Variants in CTNNA3 observed in about 807,000 individuals in gnomAD.
CTNNA3 encodes catenin alpha-3.
CTNNA3 carries 76 observed loss-of-function variants against 95.7 expected under a neutral mutation model. That is an observed-to-expected ratio of 0.79 (90% CI 0.66 to 0.96). The LOEUF is 0.96. Ranked by LOEUF, CTNNA3 falls within the 40% of genes least tolerant of loss-of-function variation. The pLI is 0.00. For synonymous variants in CTNNA3, 431 were observed against 374.4 expected (o/e 1.15, Z -1.74); for missense variants, 1,191 against 1,089.8 (o/e 1.09, Z -1.31).
rs184931087 is a variant in CTNNA3, at chr10:66,881,725, C to G, written c.1048-106201G>C. 2.9e-3 allele frequency among the ~76,000 whole-genome samples: 440 copies of G among 152,160 alleles called. 2 individuals carry two copies. Among genetic ancestry groups the G allele is most frequent in the African/African-American group, 0.01 (420 of 41,530 alleles). ...TCAAAAGAGAAGATGCTCACAAAGC[C>G]TCCAGCAGGATTAAAAGAGCAATCT... On this transcript the variant is annotated intron_variant, in intron 7 of 17. Transcript: ENST00000433211.
chr10:67,082,531 G>A (rs1431712329), intron 7 of CTNNA3, among the ~76,000 whole-genome samples: 1 of 152,144 alleles, frequency 6.6e-6, no homozygotes, highest in Admixed American at 6.5e-5. Context: ...ATAGTAAGAA[G>A]TTGAGAATCA....
chr10:67,097,506 T>C (rs1858076227), intron 7 of CTNNA3: 1 of 1,264,654 alleles, frequency 7.9e-7, no homozygotes, highest in East Asian at 2.3e-5. Context: ...GTTAGTCAGG[T>C]CAGCACTTCA....
intron 15 of CTNNA3, among the ~76,000 whole-genome samples, chr10:66,050,424 A>AT (rs200349556): frequency 0.023 from 3,342 of 145,926 alleles, 61 homozygotes; most frequent in African/African-American, 0.043. Flanking sequence ...ATCCTCATGC[A>AT]TTTTTTTTTT....
At chr10:67,653,593 T>C (rs181279922) in intron 1 of CTNNA3, among the ~76,000 whole-genome samples, 1 of 152,292 alleles carries the variant, frequency 6.6e-6, no homozygotes, top group Admixed American at 6.5e-5. Flanking sequence ...TTCTTCATGT[T>C]TAATTTATCA....
chr10:66,997,967 T>C lies in CTNNA3; in HGVS notation c.1047+182350A>G, dbSNP rs1259245235. 2.0e-5 allele frequency among the ~76,000 whole-genome samples: 3 copies of C among 152,174 alleles called. No individual in the cohort carries two copies. In the East Asian group the frequency reaches 5.8e-4, roughly 29 times the overall value. ...CTTCAAGTTCACTACCACTGCTTCA[T>C]CATTCATCACTTGGATTATTGCAGT... On this transcript the variant is annotated intron_variant, in intron 7 of 17. Coordinates refer to ENST00000433211, the MANE Select transcript of CTNNA3 (RefSeq NM_013266.4).
intron 13 of CTNNA3, among the ~76,000 whole-genome samples, chr10:66,148,907 TTAAA>T (rs1224298836): frequency 6.6e-6 from 1 of 151,788 alleles, no homozygotes; most frequent in African/African-American, 2.4e-5. Context: ...TCAATAAGTT[TTAAA>T]TAGATTACAA....
At chr10:66,558,377 C>T (rs1439705544) in intron 10 of CTNNA3, among the ~76,000 whole-genome samples, 2 of 152,044 alleles carry the variant, frequency 1.3e-5, no homozygotes, top group African/African-American at 4.8e-5. Context: ...TTCATATTAT[C>T]ATTTTCTTTT....
At chr10:66,478,679 A>T (rs1336442573) in intron 11 of CTNNA3, among the ~76,000 whole-genome samples, 1 of 151,914 alleles carries the variant, frequency 6.6e-6, no homozygotes, top group Admixed American at 6.6e-5. Context: ...CAATGTAACT[A>T]GTAATTTTGC....
intron 13 of CTNNA3, among the ~76,000 whole-genome samples, chr10:66,144,052 T>A (rs1241429938): frequency 1.3e-5 from 2 of 152,244 alleles, no homozygotes; most frequent in African/African-American, 4.8e-5. Flanking sequence ...CTGATAGAAT[T>A]CTATTTTTTG....
At chr10:66,301,444 G>A (rs2091861850) in intron 12 of CTNNA3, among the ~76,000 whole-genome samples, 1 of 151,514 alleles carries the variant, frequency 6.6e-6, no homozygotes, top group Admixed American at 6.6e-5. Flanking sequence ...AAAACTAATT[G>A]AATTATGTAT....
chr10:65,925,924 T>TTA (rs893782512), intron 17 of CTNNA3, among the ~76,000 whole-genome samples: 3 of 151,730 alleles, frequency 2.0e-5, no homozygotes, highest in African/African-American at 7.3e-5. Flanking sequence ...TGCTTCCCCT[T>TTA]TATATATATG....
chr10:67,068,875 C>T (rs1856259340), intron 7 of CTNNA3, among the ~76,000 whole-genome samples: 1 of 152,048 alleles, frequency 6.6e-6, no homozygotes, highest in African/African-American at 2.4e-5. Flanking sequence ...GCCTGGCCAA[C>T]ATGGTGAAAC....
intron 7 of CTNNA3, among the ~76,000 whole-genome samples, chr10:66,937,963 C>T (rs975845306): frequency 1.3e-5 from 2 of 152,004 alleles, no homozygotes; most frequent in Non-Finnish European, 2.9e-5. Context: ...GTTTGTATCA[C>T]GATTTGAGGA....
chr10:66,404,782 G>GCT (rs111915906), intron 11 of CTNNA3, among the ~76,000 whole-genome samples: 1 of 149,148 alleles, frequency 6.7e-6, no homozygotes, highest in Non-Finnish European at 1.5e-5. Flanking sequence ...TTTCCTGTGG[G>GCT]TTTTTTTTTT....
chr10:66,856,088 A>G (rs115163831), intron 7 of CTNNA3, among the ~76,000 whole-genome samples: 1 of 151,876 alleles, frequency 6.6e-6, no homozygotes, highest in Non-Finnish European at 1.5e-5. Context: ...TCCACCCTAG[A>G]GTACACCCTG....
intron 10 of CTNNA3, among the ~76,000 whole-genome samples, chr10:66,560,104 T>C (rs952635128): frequency 6.6e-6 from 1 of 152,124 alleles, no homozygotes; most frequent in South Asian, 2.1e-4. Flanking sequence ...TTCATCTTTG[T>C]TAAAAGTGTA....
chr10:67,500,144 T>C (rs1013886568), intron 5 of CTNNA3, among the ~76,000 whole-genome samples: 1 of 152,200 alleles, frequency 6.6e-6, no homozygotes, highest in Non-Finnish European at 1.5e-5. Context: ...TTTGTTCTCA[T>C]TGGTTTCAAA....
At chr10:66,238,351 G>A (rs896860477) in intron 13 of CTNNA3, among the ~76,000 whole-genome samples, 1 of 151,858 alleles carries the variant, frequency 6.6e-6, no homozygotes, top group Non-Finnish European at 1.5e-5. Context: ...ATGTTATAGT[G>A]TCATCTTACA....
chr10:66,425,309 T>G (rs2093230288), intron 11 of CTNNA3, among the ~76,000 whole-genome samples: 1 of 151,918 alleles, frequency 6.6e-6, no homozygotes, highest in African/African-American at 2.4e-5. Context: ...ACTAATAAAT[T>G]TACAATGAGT....
Sources: gnomAD v4.1 joint callset for allele counts (sites outside exome capture counted in the v4.1 genomes callset) on GRCh38, gnomAD v4.1.1 for gene constraint, MANE v1.5 for transcripts, NCBI Gene and HGNC (gene_info 2026-07-23, HGNC 2026-07-21) for gene names.